PDSS2: variants seen among roughly 807,000 people sequenced by gnomAD.
PDSS2 encodes all trans-polyprenyl-diphosphate synthase PDSS2.
PDSS2 carries 31 observed loss-of-function variants against 44.5 expected under a neutral mutation model. The observed-to-expected ratio is 0.70, with a 90% CI of 0.52 to 0.94. PDSS2 has a LOEUF of 0.94. Among genes scored for constraint, PDSS2 ranks in the 40% least tolerant of loss-of-function variants. The probability of loss-of-function intolerance (pLI) is 0.00; values close to 1 mark genes in which losing one functional copy is unlikely to be tolerated. For missense variants in PDSS2, 452 were observed against 482.2 expected, an observed-to-expected ratio of 0.94 and a Z score of 0.59; for synonymous variants, 157 against 180.3, an observed-to-expected ratio of 0.87 and a Z score of 1.03.
intron 1 of PDSS2, among the ~76,000 whole-genome samples, chr6:107,336,847 TGTGTGTGTG>T (rs1777913061): frequency 7.0e-6 from 1 of 143,884 alleles, no homozygotes; most frequent in Non-Finnish European, 1.5e-5. Flanking sequence ...TGTGTGTGTG[TGTGTGTGTG>T]TGTGTGTGTG....
intron 6 of PDSS2, among the ~76,000 whole-genome samples, chr6:107,196,825 T>G (rs1374092030): frequency 6.6e-6 from 1 of 152,190 alleles, no homozygotes; most frequent in East Asian, 1.9e-4. Flanking sequence ...GAAGGTTAAC[T>G]TGATCACCAA....
intron 2 of PDSS2, among the ~76,000 whole-genome samples, chr6:107,280,559 A>G (rs1190355110): frequency 6.6e-6 from 1 of 152,104 alleles, no homozygotes; most frequent in African/African-American, 2.4e-5. Flanking sequence ...AAGCTTCTCA[A>G]ATTTTTTTAG....
At chr6:107,355,940 C>T (rs1450100003) in intron 1 of PDSS2, among the ~76,000 whole-genome samples, 1 of 152,136 alleles carries the variant, frequency 6.6e-6, no homozygotes, top group African/African-American at 2.4e-5. Flanking sequence ...TCTCTTTATC[C>T]CTGATGAGGA....
chr6:107,386,209 G>GA (rs1339775393), intron 1 of PDSS2, among the ~76,000 whole-genome samples: 3 of 152,064 alleles, frequency 2.0e-5, no homozygotes, highest in Admixed American at 1.3e-4. Context: ...ATCTGGCACT[G>GA]AAAAAAATGA....
At chr6:107,405,546 C>A (rs1193103311) in intron 1 of PDSS2, among the ~76,000 whole-genome samples, 1 of 151,940 alleles carries the variant, frequency 6.6e-6, no homozygotes, top group African/African-American at 2.4e-5. Context: ...GCATTAAATG[C>A]TCCACTTAAA....
At chr6:107,213,074 A>T (rs1773282203) in intron 4 of PDSS2, among the ~76,000 whole-genome samples, 1 of 151,980 alleles carries the variant, frequency 6.6e-6, no homozygotes, top group Non-Finnish European at 1.5e-5. Context: ...TAGTGGCATG[A>T]TCATGGCTCA....
intron 3 of PDSS2, among the ~76,000 whole-genome samples, chr6:107,262,482 G>A (rs2114889100): frequency 6.6e-6 from 1 of 152,038 alleles, no homozygotes; most frequent in Non-Finnish European, 1.5e-5. Flanking sequence ...TAAGAAAAAG[G>A]AAAATTGGGC....
chr6:107,300,682 C>T (rs781173821), intron 2 of PDSS2, among the ~76,000 whole-genome samples: 30 of 152,158 alleles, frequency 2.0e-4, no homozygotes, highest in Non-Finnish European at 4.1e-4. Context: ...ATGGGTAACC[C>T]CCTTTGGGTC....
intron 7 of PDSS2, among the ~76,000 whole-genome samples, chr6:107,159,471 C>A (rs1204110961): frequency 7.5e-5 from 11 of 146,846 alleles, no homozygotes; most frequent in Non-Finnish European, 1.6e-4. Flanking sequence ...GGCTGGAATG[C>A]AGTGGCGCGA....
At chr6:107,356,706 A>G (rs1778605928) in intron 1 of PDSS2, among the ~76,000 whole-genome samples, 1 of 152,206 alleles carries the variant, frequency 6.6e-6, no homozygotes, top group South Asian at 2.1e-4. Context: ...ATGAAATAGT[A>G]AAGAGAAATA....
At chr6:107,310,117 C>T (rs375807263) in intron 2 of PDSS2, among the ~76,000 whole-genome samples, 68 of 151,990 alleles carry the variant, frequency 4.5e-4, no homozygotes, top group African/African-American at 1.6e-3. Context: ...AACCCCATCT[C>T]TACTGAAAAT....
chr6:107,310,472 C>T (rs1315054431), intron 2 of PDSS2, among the ~76,000 whole-genome samples: 1 of 152,106 alleles, frequency 6.6e-6, no homozygotes, highest in Non-Finnish European at 1.5e-5. Context: ...ACCTAGGACG[C>T]TTTATCTGCA....
chr6:107,214,426 T>C (rs1773341416), intron 4 of PDSS2, among the ~76,000 whole-genome samples: 2 of 152,148 alleles, frequency 1.3e-5, no homozygotes, highest in South Asian at 4.1e-4. Flanking sequence ...TCAAAATCAC[T>C]GTGCATTTTA....
intron 1 of PDSS2, among the ~76,000 whole-genome samples, chr6:107,418,646 G>C (rs889479682): frequency 2.9e-4 from 44 of 152,034 alleles, no homozygotes; most frequent in African/African-American, 9.9e-4. Context: ...GTGGTGGCAG[G>C]CACCTGTAGT....
chr6:107,338,166 C>T (rs1289548467), intron 1 of PDSS2, among the ~76,000 whole-genome samples: 2 of 152,080 alleles, frequency 1.3e-5, no homozygotes, highest in Non-Finnish European at 2.9e-5. Context: ...AATTTTGCTC[C>T]AGAGCAAATA....
At chr6:107,293,477 TC>T (rs1469145756) in intron 2 of PDSS2, among the ~76,000 whole-genome samples, 6 of 152,172 alleles carry the variant, frequency 3.9e-5, no homozygotes, top group Non-Finnish European at 4.4e-5. Context: ...TCACTTGCCC[TC>T]CCATAGTGCT....
chr6:107,415,865 G>A (rs950833795), intron 1 of PDSS2, among the ~76,000 whole-genome samples: 12 of 152,182 alleles, frequency 7.9e-5, no homozygotes, highest in Non-Finnish European at 1.5e-4. Context: ...CATTCACTTA[G>A]TAAAATGTAC....
chr6:107,400,295 T>C (rs995445132), intron 1 of PDSS2, among the ~76,000 whole-genome samples: 3 of 152,102 alleles, frequency 2.0e-5, no homozygotes, highest in Non-Finnish European at 4.4e-5. Context: ...CCAACCAGAA[T>C]AGGCAGCAGT....
chr6:107,413,872 G>T (rs1780579438), intron 1 of PDSS2, among the ~76,000 whole-genome samples: 1 of 152,158 alleles, frequency 6.6e-6, no homozygotes, highest in Non-Finnish European at 1.5e-5. Flanking sequence ...GTTAGGCTAG[G>T]GAAGACTGTG....
Sources: allele counts gnomAD v4.1 joint callset (sites outside exome capture counted in the v4.1 genomes callset), GRCh38; gene constraint gnomAD v4.1.1; transcripts MANE v1.5; gene names NCBI Gene and HGNC (gene_info 2026-07-23, HGNC 2026-07-21).